The following MIAT variants were observed in gnomAD, a reference collection of about 807,000 sequenced individuals.
MIAT encodes MI related novel mRNA.
At chr22:26,675,602 G>A (rs1931233241) in exon 5 of MIAT, 1 of 398,484 alleles carries the variant, frequency 2.5e-6, no homozygotes, top group African/African-American at 2.1e-5. Flanking sequence ...AAGTATCTCT[G>A]CAATGACTGG....
chr22:26,671,106 G>A (rs1056058878), downstream of MIAT: 10 of 398,550 alleles, frequency 2.5e-5, no homozygotes, highest in African/African-American at 1.9e-4. Context: ...CTGTCAGAGT[G>A]TAACAGGATC....
intron 2 of MIAT, among the ~76,000 whole-genome samples, chr22:26,653,568 A>G (rs1307862901): frequency 1.3e-5 from 2 of 152,200 alleles, no homozygotes; most frequent in Non-Finnish European, 2.9e-5. Context: ...GAAAAAAGCA[A>G]TCACGTAGTT....
At chr22:26,647,182 G>A (rs1261054916) in exon 2 of MIAT, 1 of 398,408 alleles carries the variant, frequency 2.5e-6, no homozygotes, top group Non-Finnish European at 4.4e-6. Flanking sequence ...AGTGCTTTCT[G>A]AGAAGCCCTC....
downstream of MIAT, chr22:26,672,535 A>G (rs549983350): frequency 5.0e-6 from 2 of 399,318 alleles, no homozygotes; most frequent in South Asian, 2.5e-4. Flanking sequence ...GTGAGTGTGG[A>G]GGCCTGTTGG....
chr22:26,667,193 T>C (rs1267068523), exon 5 of MIAT: 1 of 398,660 alleles, frequency 2.5e-6, no homozygotes, highest in Non-Finnish European at 4.4e-6. Flanking sequence ...AGCACCGGCA[T>C]GGACCAAGCA....
chr22:26,650,691 T>G (rs775490079), intron 2 of MIAT, among the ~76,000 whole-genome samples: 8 of 152,194 alleles, frequency 5.3e-5, no homozygotes, highest in Non-Finnish European at 1.0e-4. Flanking sequence ...CCTGAGCCCA[T>G]GCCCAGATGA....
downstream of MIAT, chr22:26,674,330 C>T (rs1456447625): frequency 2.5e-6 from 1 of 398,548 alleles, no homozygotes; most frequent in African/African-American, 2.1e-5. Flanking sequence ...AGTAGAGGGG[C>T]AGGGAGCATA....
At chr22:26,659,136 C>T (rs910605338) in intron 2 of MIAT, among the ~76,000 whole-genome samples, 4 of 152,080 alleles carry the variant, frequency 2.6e-5, no homozygotes, top group African/African-American at 9.7e-5. Flanking sequence ...GATGTTTACT[C>T]AGACCTCCTC....
At chr22:26,666,515 G>C (rs8142047) in exon 4 of MIAT, 100 of 398,646 alleles carry the variant, frequency 2.5e-4, no homozygotes, top group African/African-American at 2.0e-3. Context: ...ACCCAGTGTG[G>C]CAGGAGCAGA....
intron 2 of MIAT, chr22:26,657,453 C>G: frequency 5.0e-6 from 2 of 398,690 alleles, no homozygotes; most frequent in East Asian, 3.6e-5. Flanking sequence ...GCCAGCCGCT[C>G]CCGCATTAAA....
intron 5 of MIAT, chr22:26,667,430 G>A (rs1416552143): frequency 2.7e-5 from 8 of 300,580 alleles, no homozygotes; most frequent in African/African-American, 1.3e-4. Context: ...GTGTGTATGC[G>A]CGCGTGTGTG....
At chr22:26,647,369 G>A (rs1050037820) in intron 2 of MIAT, 1 of 344,712 alleles carries the variant, frequency 2.9e-6, no homozygotes, top group East Asian at 4.5e-5. Flanking sequence ...GGGGACGTGG[G>A]GGGTGGAGAG....
At chr22:26,650,108 A>C (rs1207519589) in intron 2 of MIAT, 1 of 152,252 alleles carries the variant, frequency 6.6e-6, no homozygotes, top group Non-Finnish European at 1.5e-5. Flanking sequence ...ATGTGACTAC[A>C]TTGGAAGATA....
chr22:26,673,565 T>G (rs1047434111), downstream of MIAT: 10 of 398,646 alleles, frequency 2.5e-5, no homozygotes, highest in Non-Finnish European at 4.4e-5. Flanking sequence ...GTGGATTTTT[T>G]TCTGACTAAC....
downstream of MIAT, chr22:26,672,914 T>TC: frequency 2.5e-6 from 1 of 398,560 alleles, no homozygotes; most frequent in Non-Finnish European, 4.4e-6. Flanking sequence ...GTGAGAGGAC[T>TC]CTTTCCCACA....
chr22:26,652,518 G>A lies in MIAT; in HGVS notation n.646+5207G>A, dbSNP rs149617532. 4.8e-3 allele frequency among the ~76,000 whole-genome samples: 730 copies of A among 151,982 alleles called. 9 individuals carry two copies. The highest frequency in any genetic ancestry group is 0.016 in the African/African-American group (679 of 41,444). On this transcript the variant is annotated intron_variant and non_coding_transcript_variant, in intron 2 of 5. Coordinates refer to ENST00000643270, the Ensembl canonical transcript of MIAT. ...GATTACAGGCGCCGCCACCATGACCGGCTAATTTTTGTATTTTTAGTAGAG... is the reference window on the plus strand; with the variant it reads ...GATTACAGGCGCCGCCACCATGACCAGCTAATTTTTGTATTTTTAGTAGAG...
chr22:26,663,702 CA>C (rs1267801798), intron 3 of MIAT, among the ~76,000 whole-genome samples: 37 of 152,270 alleles, frequency 2.4e-4, no homozygotes, highest in Admixed American at 1.3e-3. Flanking sequence ...TCATCACATA[CA>C]AATGAGTTTT....
downstream of MIAT, chr22:26,670,502 A>G: frequency 2.5e-6 from 1 of 398,036 alleles, no homozygotes; most frequent in Non-Finnish European, 4.4e-6. Context: ...AGCAAGCTGT[A>G]CCAAACAGGG....
chr22:26,657,246 G>T, intron 2 of MIAT: 1 of 352,614 alleles, frequency 2.8e-6, no homozygotes, highest in Non-Finnish European at 5.1e-6. Flanking sequence ...GTGGGGATGC[G>T]GGAGGCTGAG....
Sources: allele counts gnomAD v4.1 joint callset (sites outside exome capture counted in the v4.1 genomes callset), GRCh38; gene constraint gnomAD v4.1.1; transcripts MANE v1.5; gene names NCBI Gene and HGNC (gene_info 2026-07-23, HGNC 2026-07-21).